The following NOL4 variants were observed in gnomAD, a reference collection of about 807,000 sequenced individuals.
NOL4 encodes the protein cancer/testis antigen 125.
A neutral mutation model predicts 75.9 loss-of-function variants in NOL4; 17 were observed. The ratio of observed to expected loss-of-function variants is 0.22; its 90% CI spans 0.15 to 0.34. The LOEUF is 0.34. Ranked by LOEUF, NOL4 falls within the 10% of genes least tolerant of loss-of-function variation. The pLI, the probability that NOL4 is intolerant of heterozygous loss-of-function variation, is 1.00. For synonymous variants in NOL4, 292 were observed against 289.9 expected (o/e 1.01, Z -0.07); for missense variants, 614 against 793.5 (o/e 0.77, Z 2.72).
chr18:33,986,928 G>A (rs1367796339), intron 6 of NOL4, among the ~76,000 whole-genome samples: 1 of 152,026 alleles, frequency 6.6e-6, no homozygotes, highest in Non-Finnish European at 1.5e-5. Context: ...TAATCAGTAG[G>A]TACTGTGTGA....
intron 2 of NOL4, among the ~76,000 whole-genome samples, chr18:34,125,960 G>C (rs2080366331): frequency 8.4e-6 from 1 of 119,552 alleles, no homozygotes; most frequent in African/African-American, 2.9e-5. Flanking sequence ...ACATCTACAG[G>C]ATGCACCAAA....
chr18:34,008,384 T>TCTATCTAA (rs1423177508), intron 6 of NOL4, among the ~76,000 whole-genome samples: 8 of 150,892 alleles, frequency 5.3e-5, no homozygotes, highest in African/African-American at 2.0e-4. Context: ...TATCTATCTA[T>TCTATCTAA]CTATCTATCT....
At position 34,190,269 on chromosome 18, in the gene NOL4, TAG is replaced by T. The variant is rs577503417; in HGVS notation, c.264+32719_264+32720del. 1.6e-3 allele frequency among the ~76,000 whole-genome samples: 246 copies of T among 152,000 alleles called. 1 individual carries two copies. Among genetic ancestry groups the T allele is most frequent in the African/African-American group, 5.6e-3 (234 of 41,516 alleles). ...CATAATTACAAGAGCTGAGAATGCT[TAG>T]CTCTTGGTAAGTATGGCTAGAGGCC... On this transcript the variant is annotated intron_variant, in intron 1 of 10. Transcript: ENST00000261592.
intron 4 of NOL4, among the ~76,000 whole-genome samples, chr18:34,098,273 C>G (rs1281568472): frequency 6.6e-6 from 1 of 152,118 alleles, no homozygotes. Flanking sequence ...CAGGGAGCTT[C>G]CACTTCCTGT....
At chr18:33,977,961 G>A (rs2071637226) in intron 6 of NOL4, among the ~76,000 whole-genome samples, 1 of 152,132 alleles carries the variant, frequency 6.6e-6, no homozygotes, top group Non-Finnish European at 1.5e-5. Context: ...AGTAGAGAAG[G>A]AAAGAAGAAT....
Position 33,955,309 on chromosome 18 carries a change from G to A in NOL4, c.1428+2017C>T, listed in dbSNP as rs192750899. The stretch of plus-strand genomic sequence containing the variant: ...AGCTATTCCCATGCTTATGATATCA[G>A]GGAAACTATGTATTGAAAACAAGGT... On this transcript the variant is annotated intron_variant, in intron 8 of 10. Coordinates refer to ENST00000261592, the MANE Select transcript of NOL4 (RefSeq NM_003787.5). Among the ~76,000 whole-genome samples, 604 of 152,062 alleles carry A rather than the reference G, an allele frequency of 4.0e-3. 6 individuals carry two copies. Among genetic ancestry groups the A allele is most frequent in the African/African-American group, 0.013 (554 of 41,510 alleles).
intron 1 of NOL4, among the ~76,000 whole-genome samples, chr18:34,219,200 T>C (rs1337621554): frequency 6.6e-6 from 1 of 152,218 alleles, no homozygotes; most frequent in Non-Finnish European, 1.5e-5. Flanking sequence ...GGAATAAATA[T>C]AAGAAAGAAA....
At chr18:33,907,367 A>G (rs1208898609) in intron 9 of NOL4, among the ~76,000 whole-genome samples, 1 of 151,724 alleles carries the variant, frequency 6.6e-6, no homozygotes, top group African/African-American at 2.4e-5. Flanking sequence ...ATAATAATAA[A>G]CATTAAAGAA....
chr18:34,043,257 A>T (rs2076216677), intron 5 of NOL4, among the ~76,000 whole-genome samples: 1 of 152,102 alleles, frequency 6.6e-6, no homozygotes, highest in African/African-American at 2.4e-5. Flanking sequence ...TAAATGAATT[A>T]ATGTATGTAT....
chr18:34,137,929 A>G (rs1461007335), intron 1 of NOL4, among the ~76,000 whole-genome samples: 1 of 152,130 alleles, frequency 6.6e-6, no homozygotes, highest in Non-Finnish European at 1.5e-5. Context: ...CCATGAACTG[A>G]AAAATGTATA....
At chr18:34,156,867 A>C (rs550837679) in intron 1 of NOL4, among the ~76,000 whole-genome samples, 52 of 152,148 alleles carry the variant, frequency 3.4e-4, no homozygotes, top group African/African-American at 1.2e-3. Flanking sequence ...CAAATTCCTC[A>C]TCATGGCCCA....
chr18:34,022,547 G>A (rs772093453), intron 5 of NOL4, among the ~76,000 whole-genome samples: 7 of 151,802 alleles, frequency 4.6e-5, no homozygotes, highest in East Asian at 1.9e-4. Flanking sequence ...AAATTCTTAC[G>A]CTAAATTATG....
chr18:34,009,722 A>G (rs2074262585), intron 6 of NOL4, among the ~76,000 whole-genome samples: 1 of 151,872 alleles, frequency 6.6e-6, no homozygotes, highest in African/African-American at 2.4e-5. Flanking sequence ...GCATCAGGTC[A>G]AGTTTGCAGC....
intron 1 of NOL4, among the ~76,000 whole-genome samples, chr18:34,213,424 G>A (rs1030981485): frequency 2.6e-5 from 4 of 152,126 alleles, no homozygotes; most frequent in African/African-American, 9.7e-5. Context: ...TGAGTAGCTG[G>A]GACTACAGGC....
At chr18:33,957,281 G>A (rs1325113537) in intron 8 of NOL4, 45 bp downstream of exon 8, 1 of 1,411,134 alleles carries the variant, frequency 7.1e-7, no homozygotes, top group Non-Finnish European at 9.5e-7. Flanking sequence ...GTTTACATGT[G>A]GGATTTTGAT....
At chr18:34,139,824 A>C (rs1402587955) in intron 1 of NOL4, among the ~76,000 whole-genome samples, 2 of 152,168 alleles carry the variant, frequency 1.3e-5, no homozygotes, top group African/African-American at 4.8e-5. Flanking sequence ...TTAGTGCTAT[A>C]AACTTCCCTC....
At chr18:34,195,602 G>T (rs1443608218) in intron 1 of NOL4, among the ~76,000 whole-genome samples, 1 of 151,296 alleles carries the variant, frequency 6.6e-6, no homozygotes, top group African/African-American at 2.4e-5. Flanking sequence ...TAAGTTTCAA[G>T]GTTTGTAATG....
chr18:34,016,293 C>T (rs935191226), intron 6 of NOL4, among the ~76,000 whole-genome samples: 8 of 152,010 alleles, frequency 5.3e-5, no homozygotes, highest in East Asian at 3.9e-4. Context: ...GCTCTCTAAC[C>T]GGCATTCTCT....
Position 33,969,902 on chromosome 18 carries a change from G to C in NOL4, c.1057-11484C>G, listed in dbSNP as rs147457878. Among the ~76,000 whole-genome samples, 39 of 152,054 alleles carry C rather than the reference G, an allele frequency of 2.6e-4. No individual in the cohort carries two copies. The East Asian group carries it at 6.6e-3, about 26-fold the overall frequency. On this transcript the variant is annotated intron_variant, in intron 6 of 10. Coordinates refer to ENST00000261592, the MANE Select transcript of NOL4 (RefSeq NM_003787.5). ...TTTAAACCTCAGCTACATTTTTTAG[G>C]CACTTCAAAATGATAGAGAACATTA...
Sources: gnomAD v4.1 joint callset for allele counts (sites outside exome capture counted in the v4.1 genomes callset) on GRCh38, gnomAD v4.1.1 for gene constraint, MANE v1.5 for transcripts, NCBI Gene and HGNC (gene_info 2026-07-23, HGNC 2026-07-21) for gene names.